Variants in GREB1L observed in about 807,000 individuals in gnomAD.
The protein encoded by GREB1L is GREB1-like protein.
GREB1L carries 17 observed loss-of-function variants against 200.8 expected under a neutral mutation model. The observed-to-expected ratio is 0.08, with a 90% CI of 0.06 to 0.13. The LOEUF (loss-of-function observed/expected upper bound fraction) is 0.13, where lower values mean the gene tolerates loss of function less well. Among genes scored for constraint, GREB1L ranks in the 10% least tolerant of loss-of-function variants. GREB1L has a pLI of 1.00. For missense variants in GREB1L, 1,657 were observed against 2,367.7 expected (o/e 0.70, Z 6.23); for synonymous variants, 789 against 893.0 (o/e 0.88, Z 2.08).
chr18:21,242,704 G>T (rs1010790598), intron 1 of GREB1L, among the ~76,000 whole-genome samples: 16 of 152,176 alleles, frequency 1.1e-4, no homozygotes, highest in Non-Finnish European at 1.9e-4. Flanking sequence ...GCCTGTCACC[G>T]GGCTCTACTC....
chr18:21,420,236 G>C (rs2032038450), intron 7 of GREB1L, among the ~76,000 whole-genome samples: 1 of 152,030 alleles, frequency 6.6e-6, no homozygotes, highest in South Asian at 2.1e-4. Flanking sequence ...GCCAGGCATG[G>C]TGGCGGGTGC....
intron 17 of GREB1L, among the ~76,000 whole-genome samples, chr18:21,479,749 AT>A (rs2035848954): frequency 6.6e-6 from 1 of 151,950 alleles, no homozygotes; most frequent in South Asian, 2.1e-4. Context: ...ACAGTTATTT[AT>A]TTTTACGTTT....
At chr18:21,502,387 T>TC (rs2036835016) in intron 23 of GREB1L, among the ~76,000 whole-genome samples, 1 of 152,114 alleles carries the variant, frequency 6.6e-6, no homozygotes, top group Non-Finnish European at 1.5e-5. Context: ...CTCAAGCCTC[T>TC]CAAAGATGAG....
intron 1 of GREB1L, among the ~76,000 whole-genome samples, chr18:21,259,336 G>A (rs1297670195): frequency 6.6e-6 from 1 of 152,136 alleles, no homozygotes; most frequent in Non-Finnish European, 1.5e-5. Context: ...TGCAAGAGGT[G>A]TTTATTCAGT....
intron 1 of GREB1L, among the ~76,000 whole-genome samples, chr18:21,351,758 C>T (rs1198842437): frequency 6.6e-6 from 1 of 152,142 alleles, no homozygotes; most frequent in African/African-American, 2.4e-5. Context: ...TTTCATCCTG[C>T]AGGTTATCAG....
At chr18:21,250,404 G>A (rs574085968) in intron 1 of GREB1L, among the ~76,000 whole-genome samples, 134 of 152,210 alleles carry the variant, frequency 8.8e-4, no homozygotes, top group Admixed American at 1.5e-3. Flanking sequence ...AGAATTTCTA[G>A]GGTGGGACCC....
At chr18:21,474,289 A>T (rs1352602518) in intron 16 of GREB1L, among the ~76,000 whole-genome samples, 3 of 152,194 alleles carry the variant, frequency 2.0e-5, no homozygotes, top group African/African-American at 7.2e-5. Context: ...GTTACTTCCT[A>T]GATAGAATGG....
At chr18:21,502,397 G>T (rs528371442) in intron 23 of GREB1L, among the ~76,000 whole-genome samples, 26 of 152,142 alleles carry the variant, frequency 1.7e-4, no homozygotes, top group Non-Finnish European at 3.4e-4. Flanking sequence ...TCAAAGATGA[G>T]TCTGGAATAG....
chr18:21,295,914 A>C (rs2038519712), intron 1 of GREB1L, among the ~76,000 whole-genome samples: 1 of 152,208 alleles, frequency 6.6e-6, no homozygotes, highest in Admixed American at 6.5e-5. Context: ...TATTACTAAA[A>C]AGTCAAAAAA....
intron 7 of GREB1L, among the ~76,000 whole-genome samples, chr18:21,431,961 C>A (rs1416047250): frequency 4.0e-5 from 5 of 125,638 alleles, no homozygotes; most frequent in African/African-American, 1.5e-4. Flanking sequence ...CTCACTCTGT[C>A]GCCCAGGCTG....
chr18:21,363,655 G>C lies in GREB1L; in HGVS notation c.-119-2372G>C, dbSNP rs143472356. 3.9e-5 allele frequency: 6 copies of C among 152,228 alleles called. No homozygotes were observed. The East Asian group carries it at 1.2e-3, about 29-fold the overall frequency. The allele number at this position is 152,228 out of a possible 1,614,324, so 9.4% of individuals were successfully genotyped here. Reference sequence around the variant, plus strand: ...TGGATGGGTCTCCAGTGAACTGCTGGTTGAAGCAAATGGTGAAAATAAGAA... The same window carrying C: ...TGGATGGGTCTCCAGTGAACTGCTGCTTGAAGCAAATGGTGAAAATAAGAA... On this transcript the variant is annotated intron_variant, in intron 1 of 32. Coordinates refer to ENST00000424526, the MANE Select transcript of GREB1L (RefSeq NM_001142966.3).
intron 1 of GREB1L, among the ~76,000 whole-genome samples, chr18:21,302,464 A>G (rs1417710036): frequency 1.3e-5 from 2 of 152,198 alleles, no homozygotes; most frequent in Admixed American, 6.5e-5. Flanking sequence ...TGGGTTTTGT[A>G]AGGTGGAAAA....
intron 1 of GREB1L, chr18:21,317,722 T>C: frequency 6.6e-6 from 1 of 152,252 alleles, no homozygotes; most frequent in East Asian, 1.9e-4. Context: ...TAAAAGCCAA[T>C]GAGCTGACCT....
intron 2 of GREB1L, among the ~76,000 whole-genome samples, chr18:21,372,026 G>A (rs888709533): frequency 6.6e-6 from 1 of 152,044 alleles, no homozygotes; most frequent in African/African-American, 2.4e-5. Context: ...CTGAGTCAAT[G>A]TAATTAATCC....
At chr18:21,448,110 C>T (rs541491291) in intron 11 of GREB1L, among the ~76,000 whole-genome samples, 3 of 149,178 alleles carry the variant, frequency 2.0e-5, no homozygotes, top group East Asian at 2.0e-4. Flanking sequence ...TGCAGTGAGC[C>T]GAGATCGCGC....
chr18:21,375,889 T>TCAC (rs955163293), intron 2 of GREB1L, among the ~76,000 whole-genome samples: 15 of 151,764 alleles, frequency 9.9e-5, no homozygotes, highest in Non-Finnish European at 1.3e-4. Flanking sequence ...ACCACCACCA[T>TCAC]CACCACCACC....
rs752171093 is a variant in GREB1L, at chr18:21,500,170, G to A, written c.3833G>A (p.Ser1278Asn). Residue 1278 changes from serine to asparagine, a missense_variant, in exon 22 of 33, where the codon AGT becomes AAT. By Grantham distance (46) the Ser-to-Asn change is conservative. Transcript: ENST00000424526. ...CCACTCCTGAACAAGGACATGAGCAGTGAGGAGCAGTCCCTCTACTACAGG... is the reference window on the plus strand; with the variant it reads ...CCACTCCTGAACAAGGACATGAGCAATGAGGAGCAGTCCCTCTACTACAGG... ...LRPLLNKDMSSEEQSLYYRQW... is the reference protein window; with the variant it reads ...LRPLLNKDMSNEEQSLYYRQW... 6.4e-7 allele frequency: 1 copy of A among 1,551,156 alleles called. No individual in the cohort carries two copies. Among genetic ancestry groups the A allele is most frequent in the South Asian group, 1.2e-5 (1 of 84,066 alleles).
chr18:21,350,388 T>C (rs116602568), intron 1 of GREB1L, among the ~76,000 whole-genome samples: 1,856 of 151,644 alleles, frequency 0.012, 41 homozygotes, highest in African/African-American at 0.042. Flanking sequence ...CAGGCACACA[T>C]CAACACACCC....
rs545786663 is a variant in GREB1L, at chr18:21,441,405, C to T, written c.1075C>T (p.Leu359Phe). 6.5e-6 allele frequency: 10 copies of T among 1,529,598 alleles called. No individual in the cohort carries two copies. The highest frequency in any genetic ancestry group is 2.5e-5 in the South Asian group (2 of 79,184). The allele number at this position is 1,529,598 out of a possible 1,614,324, so 94.8% of individuals were successfully genotyped here. Residue 359 changes from leucine (L) to phenylalanine (F), a missense_variant, in exon 10 of 33, where the codon CTT becomes TTT. By Grantham distance (22) the Leu-to-Phe change is conservative. Transcript: ENST00000424526. ...TCAAACTTTTTTTTTTCCAGAGCCCCTTTTATCTGCCCCAGTTCCACAGAC... is the reference window on the plus strand; with the variant it reads ...TCAAACTTTTTTTTTTCCAGAGCCCTTTTTATCTGCCCCAGTTCCACAGAC... The part of the protein sequence containing the change: ...TVRPLSRTEP[L>F]LSAPVPQTPL...
Sources: gnomAD v4.1 joint callset for allele counts (sites outside exome capture counted in the v4.1 genomes callset) on GRCh38, gnomAD v4.1.1 for gene constraint, MANE v1.5 for transcripts, NCBI Gene and HGNC (gene_info 2026-07-23, HGNC 2026-07-21) for gene names.